The following PLIN5 variants were observed in gnomAD, a reference collection of about 807,000 sequenced individuals.
The protein encoded by PLIN5 is perilipin-5.
PLIN5 carries 34 observed loss-of-function variants against 32.8 expected under a neutral mutation model. The ratio of observed to expected loss-of-function variants is 1.04; its 90% CI spans 0.79 to 1.38. The LOEUF is 1.38. PLIN5 is among the 40% of genes most tolerant of loss of function. The pLI, the probability that PLIN5 is intolerant of heterozygous loss-of-function variation, is 0.00. For missense variants in PLIN5, 712 were observed against 660.5 expected, an observed-to-expected ratio of 1.08 and a Z score of -0.85; for synonymous variants, 309 against 292.9, an observed-to-expected ratio of 1.05 and a Z score of -0.56.
intron 4 of PLIN5, 144 bp downstream of exon 4, chr19:4,529,640 C>CAG: frequency 1.8e-6 from 1 of 547,806 alleles, no homozygotes; most frequent in Non-Finnish European, 3.3e-6. Flanking sequence ...CACACACACA[C>CAG]ACACACACAC....
At chr19:4,529,938 G>T in intron 3 of PLIN5, 72 bp from the exon 4 acceptor site, 1 of 939,264 alleles carries the variant, frequency 1.1e-6, no homozygotes, top group Non-Finnish European at 1.6e-6. Context: ...GAGAGTTGTA[G>T]AAGGAGGGAA....
chr19:4,527,233 G>A (rs972231181), intron 5 of PLIN5, among the ~76,000 whole-genome samples: 4 of 151,686 alleles, frequency 2.6e-5, no homozygotes, highest in African/African-American at 2.4e-5. Flanking sequence ...CCGCCACCAC[G>A]CCCGGCCAAT....
intron 3 of PLIN5, among the ~76,000 whole-genome samples, chr19:4,531,160 C>T (rs1023752030): frequency 4.0e-5 from 6 of 151,732 alleles, no homozygotes; most frequent in East Asian, 1.9e-4. Context: ...GCCACCACAC[C>T]GGGCCAAGTT....
chr19:4,525,069 T>C lies in PLIN5; in HGVS notation c.728A>G (p.His243Arg), dbSNP rs1976784074. 7.3e-7 allele frequency: 1 copy of C among 1,375,516 alleles called. No individual in the cohort carries two copies. The highest frequency in any genetic ancestry group is 3.1e-5 in the East Asian group (1 of 31,868). 85.2% of individuals were successfully genotyped at this position (1,375,516 alleles called of 1,614,324 possible). ...QLQETLELID[H>R]MQCGVTPTAP... ...GGTGGGGGTCACCCCACACTGCATG[T>C]GGTCTATCTGCAAGGACAGAAATGG... The change falls in exon 7 of 8, where the codon CAC (histidine) becomes CGC (arginine). Residue 243 changes from histidine to arginine, a missense_variant. Coordinates refer to ENST00000381848, the MANE Select transcript of PLIN5 (RefSeq NM_001013706.3). This position sits in a 1 kb window ranked among gnomAD's most constrained non-coding sequence, Gnocchi z 5.6.
At chr19:4,529,646 C>T (rs1402653972) in intron 4 of PLIN5, 138 bp downstream of exon 4, 2 of 612,010 alleles carry the variant, frequency 3.3e-6, no homozygotes, top group African/African-American at 3.8e-5. Flanking sequence ...CACACACACA[C>T]ACACGTTGCA....
In PLIN5 at chr19:4,523,460, C is replaced by CCACCAGGGGG; in HGVS notation, c.*58_*67dup. On this transcript the variant is annotated 3_prime_UTR_variant, in exon 8 of 8. Transcript: ENST00000381848. The surrounding 1 kb of genome is among the most constrained non-coding windows in gnomAD (Gnocchi z 5.0). ...GCCAAGGCCTCGAGCTTACGTGTGG[C>CCACCAGGGGG]CACCAGGGGGCAGCAGGGATCGGGG... 1.4e-6 allele frequency: 2 copies of CCACCAGGGGG among 1,480,152 alleles called. No individual in the cohort carries two copies. The highest frequency in any genetic ancestry group is 1.8e-6 in the Non-Finnish European group (2 of 1,110,852). The allele number at this position is 1,480,152 out of a possible 1,614,324, so 91.7% of individuals were successfully genotyped here. A position where few individuals can be genotyped will look rare whatever the true frequency, so the allele number is the denominator to read the frequency against.
rs749686487 is a variant in PLIN5, at chr19:4,523,553, G to A, written c.1367C>T (p.Thr456Ile). The A allele has an allele frequency of 6.3e-7, 1 of 1,584,104 alleles. No individual in the cohort carries two copies. The highest frequency in any genetic ancestry group is 8.6e-7 in the Non-Finnish European group (1 of 1,163,372). ...TCAGAAGTCCAGCTCGGGCATCAGG[G>A]TGTGCTTGACCGGGCAGCTGGGGGT... ...PETPSCPVKH[T>I]LMPELDF is the part of the protein sequence containing the mutation. The change falls in exon 8 of 8, where the codon ACC becomes ATC. Residue 456 changes from threonine (T) to isoleucine (I), a missense_variant. Coordinates refer to ENST00000381848, the MANE Select transcript of PLIN5 (RefSeq NM_001013706.3). The surrounding 1 kb of genome is among the most constrained non-coding windows in gnomAD (Gnocchi z 5.0).
rs1260450202 is a variant in PLIN5, at chr19:4,523,652, T to A, written c.1268A>T (p.His423Leu). 1 of 1,611,034 alleles carries A rather than the reference T, an allele frequency of 6.2e-7. No homozygotes were observed. Among genetic ancestry groups the A allele is most frequent in the Admixed American group, 1.7e-5 (1 of 59,952 alleles). ...PAQQRAWEAE[H>L]RDGSGNGDGD... ...ATCCCCATTCCCACTCCCGTCCCTGTGCTCTGCCTCCCAGGCTCTCTGCTG... is the reference window on the plus strand; with the variant it reads ...ATCCCCATTCCCACTCCCGTCCCTGAGCTCTGCCTCCCAGGCTCTCTGCTG... The change falls in exon 8 of 8, where the codon CAC (histidine) becomes CTC (leucine). Residue 423 changes from histidine (H) to leucine (L), a missense_variant. Coordinates refer to ENST00000381848, the MANE Select transcript of PLIN5 (RefSeq NM_001013706.3). This position sits in a 1 kb window ranked among gnomAD's most constrained non-coding sequence, Gnocchi z 5.0.
At position 4,533,850 on chromosome 19, in the gene PLIN5, C is replaced by G. The variant is rs369435349; in HGVS notation, c.60+165G>C. ...CCCCTCCCAGGGCCTCATTAAGCCC[C>G]CACTAGGAAATAGACCATCCCCTCC... is the stretch of plus-strand genomic sequence containing the variant. On this transcript the variant is annotated intron_variant, in intron 2 of 7. Transcript: ENST00000381848. 31 of 756,516 alleles carry G rather than the reference C, an allele frequency of 4.1e-5. No homozygotes were observed. The African/African-American group carries it at 4.7e-4, about 12-fold the overall frequency. 46.9% of individuals were successfully genotyped at this position (756,516 alleles called of 1,614,324 possible).
Position 4,523,603 on chromosome 19 carries a change from C to A in PLIN5, c.1317G>T (p.Gly439=). The change falls in exon 8 of 8, where the codon GGG becomes GGT. Residue 439 remains glycine (G), a synonymous_variant. Coordinates refer to ENST00000381848, the MANE Select transcript of PLIN5 (RefSeq NM_001013706.3). The surrounding 1 kb of genome is among the most constrained non-coding windows in gnomAD (Gnocchi z 5.0). Reference sequence around the variant, plus strand: ...TCTCGGGTTCCTGCTCGCAGATGTCCCCGGCAACACCCATCCTGTCCCCAT... The same window carrying A: ...TCTCGGGTTCCTGCTCGCAGATGTCACCGGCAACACCCATCCTGTCCCCAT... ...NGDGDRMGVA[G]DICEQEPETP... is the part of the protein sequence containing the mutation. The A allele has an allele frequency of 6.2e-7, 1 of 1,607,430 alleles. No homozygotes were observed. Among genetic ancestry groups the A allele is most frequent in the Non-Finnish European group, 8.5e-7 (1 of 1,177,612 alleles).
At chr19:4,524,734 T>C (rs1568243077) in intron 7 of PLIN5, among the ~76,000 whole-genome samples, 1 of 149,456 alleles carries the variant, frequency 6.7e-6, no homozygotes, top group Non-Finnish European at 1.5e-5. Flanking sequence ...AATAATAAAA[T>C]AATAAAACTC....
intron 5 of PLIN5, among the ~76,000 whole-genome samples, chr19:4,527,612 T>G (rs1478400539): frequency 6.8e-6 from 1 of 146,488 alleles, no homozygotes; most frequent in Non-Finnish European, 1.5e-5. Context: ...ATCCCAGCAC[T>G]TTGGGAAGTC....
intron 4 of PLIN5, 26 bp downstream of exon 4, chr19:4,529,758 T>C: frequency 6.3e-7 from 1 of 1,588,658 alleles, no homozygotes; most frequent in Non-Finnish European, 8.6e-7. Context: ...CCACTGGAGG[T>C]CCCCATGTCT....
At chr19:4,527,220 C>T (rs1280529732) in intron 5 of PLIN5, among the ~76,000 whole-genome samples, 1 of 151,990 alleles carries the variant, frequency 6.6e-6, no homozygotes, top group African/African-American at 2.4e-5. Context: ...GGACTACAGG[C>T]ACCCGCCACC....
intron 2 of PLIN5, chr19:4,533,681 C>T: frequency 2.0e-6 from 1 of 491,612 alleles, no homozygotes; most frequent in Non-Finnish European, 3.6e-6. Context: ...ACAGTGATTG[C>T]TGCTCTTACT....
chr19:4,533,991 C>A (rs1976917752), intron 2 of PLIN5, 24 bp downstream of exon 2: 12 of 1,608,384 alleles, frequency 7.5e-6, no homozygotes, highest in African/African-American at 1.3e-5. Flanking sequence ...TCTGTCCCTG[C>A]TCCATGGGAG....
At chr19:4,527,538 CA>C (rs1176219746) in intron 5 of PLIN5, among the ~76,000 whole-genome samples, 761 of 29,588 alleles carry the variant, frequency 0.026, 8 homozygotes, top group African/African-American at 0.054. Flanking sequence ...GACTCCACTT[CA>C]AAAAAAAAAA....
chr19:4,525,152 A>G lies in PLIN5; in HGVS notation c.721-76T>C, dbSNP rs554898672. On this transcript the variant is annotated intron_variant, in intron 6 of 7. Transcript: ENST00000381848. This position sits in a 1 kb window ranked among gnomAD's most constrained non-coding sequence, Gnocchi z 5.6. ...GGGGGTCGGGGTGGGGTCCAGGACC[A>G]CTGATCTGGCCTCAGTAAGCATTTA... 4.2e-4 allele frequency: 358 copies of G among 858,588 alleles called. 2 individuals are homozygous for G. The African/African-American group carries it at 5.9e-3, about 14-fold the overall frequency. 53.2% of individuals were successfully genotyped at this position (858,588 alleles called of 1,614,324 possible). A position where few individuals can be genotyped will look rare whatever the true frequency, so the allele number is the denominator to read the frequency against.
intron 1 of PLIN5, among the ~76,000 whole-genome samples, chr19:4,534,526 A>G (rs1461788390): frequency 6.6e-6 from 1 of 152,104 alleles, no homozygotes; most frequent in Non-Finnish European, 1.5e-5. Flanking sequence ...ACGTGCCACC[A>G]TGCTCGGCTA....
Sources: allele counts gnomAD v4.1 joint callset (sites outside exome capture counted in the v4.1 genomes callset), GRCh38; gene constraint gnomAD v4.1.1; non-coding constraint Gnocchi (gnomAD v3.1); transcripts MANE v1.5; gene names NCBI Gene and HGNC (gene_info 2026-07-23, HGNC 2026-07-21).